Variants in TMEM178B observed in about 807,000 individuals in gnomAD.
The protein encoded by TMEM178B is transmembrane protein 178B.
Under a neutral mutation model 31.0 loss-of-function variants are expected in TMEM178B, and 5 were observed. The observed-to-expected ratio is 0.16, with a 90% CI of 0.08 to 0.34. The LOEUF is 0.34. TMEM178B is among the 10% of genes least tolerant of loss of function. The pLI is 1.00. For synonymous variants in TMEM178B, 164 were observed against 164.0 expected (o/e 1.00, Z 0.00); for missense variants, 275 against 400.3 (o/e 0.69, Z 2.67).
intron 1 of TMEM178B, among the ~76,000 whole-genome samples, chr7:141,195,197 A>G (rs1190482769): frequency 6.6e-6 from 1 of 152,112 alleles, no homozygotes; most frequent in African/African-American, 2.4e-5. Flanking sequence ...GCTGGCTTGA[A>G]TTTCTCCCCA....
At chr7:141,259,533 T>C (rs1307837852) in intron 2 of TMEM178B, among the ~76,000 whole-genome samples, 1 of 152,174 alleles carries the variant, frequency 6.6e-6, no homozygotes, top group Admixed American at 6.5e-5. Flanking sequence ...AAACTGGAAA[T>C]TTTAGATAAT....
chr7:141,074,530 C>A lies in TMEM178B; in HGVS notation c.220C>A (p.Arg74Ser). ...CCGGGCGAGCCGCTCGCGCCTGGAC[C>A]GCTGGGAGGGCAAACTCCTCCGGGC... The part of the protein sequence containing the change: ...PLRASRSRLD[R>S]WEGKLLRARN... Residue 74 changes from arginine (R) to serine (S), a missense_variant, in exon 1 of 4, where the codon CGC becomes AGC. Physicochemically the swap from Arg to Ser is moderately radical, Grantham distance 110. Coordinates refer to ENST00000565468, the MANE Select transcript of TMEM178B (RefSeq NM_001195278.2). This position sits in a 1 kb window ranked among gnomAD's most constrained non-coding sequence, Gnocchi z 5.1. 51 of 1,536,008 alleles carry A rather than the reference C, an allele frequency of 3.3e-5. No homozygotes were observed. The highest frequency in any genetic ancestry group is 4.4e-5 in the Non-Finnish European group (51 of 1,146,808).
At chr7:141,342,896 A>C (rs930016716) in intron 2 of TMEM178B, among the ~76,000 whole-genome samples, 1 of 152,186 alleles carries the variant, frequency 6.6e-6, no homozygotes, top group Non-Finnish European at 1.5e-5. Flanking sequence ...ATAGAATGCC[A>C]ACTTCCTGTC....
At chr7:141,230,669 C>A (rs536403498) in intron 2 of TMEM178B, among the ~76,000 whole-genome samples, 38 of 152,290 alleles carry the variant, frequency 2.5e-4, no homozygotes, top group South Asian at 1.2e-3. Context: ...CAGAGCCTTG[C>A]TCTGTCACTC....
intron 2 of TMEM178B, among the ~76,000 whole-genome samples, chr7:141,282,116 C>T (rs564054406): frequency 6.6e-6 from 1 of 151,998 alleles, no homozygotes; most frequent in Admixed American, 6.6e-5. Context: ...AAAAACTGGT[C>T]GAAAGAAGAG....
intron 1 of TMEM178B, among the ~76,000 whole-genome samples, chr7:141,107,215 A>G (rs1257242028): frequency 1.3e-5 from 2 of 152,222 alleles, no homozygotes; most frequent in Non-Finnish European, 2.9e-5. Context: ...AGTGAGGGAT[A>G]GAGCAGTAGA....
intron 2 of TMEM178B, among the ~76,000 whole-genome samples, chr7:141,283,466 C>T (rs1798397596): frequency 1.3e-5 from 2 of 152,210 alleles, no homozygotes. Context: ...TGTCCTGCAG[C>T]AAGGGGATGG....
chr7:141,276,033 C>G (rs931951617), intron 2 of TMEM178B, among the ~76,000 whole-genome samples: 1 of 152,188 alleles, frequency 6.6e-6, no homozygotes, highest in East Asian at 1.9e-4. Flanking sequence ...GATGATTCTT[C>G]CTCTGTTTTG....
At chr7:141,232,036 C>T (rs1367322882) in intron 2 of TMEM178B, among the ~76,000 whole-genome samples, 2 of 152,184 alleles carry the variant, frequency 1.3e-5, no homozygotes, top group East Asian at 1.9e-4. Context: ...GTTCAGCTCC[C>T]ACTTATAAGT....
chr7:141,082,252 G>A (rs1586757834), intron 1 of TMEM178B, among the ~76,000 whole-genome samples: 1 of 152,338 alleles, frequency 6.6e-6, no homozygotes, highest in Non-Finnish European at 1.5e-5. Flanking sequence ...GGGAAAAGAG[G>A]TGGTAAAACT....
chr7:141,446,451 G>A (rs1801759879), intron 3 of TMEM178B, among the ~76,000 whole-genome samples: 1 of 152,224 alleles, frequency 6.6e-6, no homozygotes, highest in African/African-American at 2.4e-5. Context: ...CTAAGACAGA[G>A]CAGCCCCTGG....
intron 2 of TMEM178B, among the ~76,000 whole-genome samples, chr7:141,432,554 T>A (rs1801455770): frequency 6.6e-6 from 1 of 152,224 alleles, no homozygotes; most frequent in African/African-American, 2.4e-5. Flanking sequence ...TAAGTTAGAA[T>A]TGAGTATATA....
chr7:141,123,722 C>T (rs1198495956), intron 1 of TMEM178B, among the ~76,000 whole-genome samples: 1 of 152,142 alleles, frequency 6.6e-6, no homozygotes, highest in African/African-American at 2.4e-5. Flanking sequence ...ATACTGCTTA[C>T]TTCTCCTTTC....
intron 2 of TMEM178B, among the ~76,000 whole-genome samples, chr7:141,335,446 A>T (rs1197166433): frequency 6.6e-6 from 1 of 152,124 alleles, no homozygotes; most frequent in Non-Finnish European, 1.5e-5. Context: ...AACAGATGGG[A>T]AGTGAAGCTG....
intron 2 of TMEM178B, among the ~76,000 whole-genome samples, chr7:141,253,642 C>A (rs1797872565): frequency 6.6e-6 from 1 of 150,750 alleles, no homozygotes; most frequent in Non-Finnish European, 1.5e-5. Flanking sequence ...CCTCCGCCTC[C>A]CAGGTTCAGG....
chr7:141,304,555 A>G (rs371251838), intron 2 of TMEM178B, among the ~76,000 whole-genome samples: 1 of 152,130 alleles, frequency 6.6e-6, no homozygotes, highest in Non-Finnish European at 1.5e-5. Flanking sequence ...CACCATGGCC[A>G]CTGCTGTGAC....
chr7:141,283,746 G>T (rs565874237), intron 2 of TMEM178B, among the ~76,000 whole-genome samples: 1 of 152,202 alleles, frequency 6.6e-6, no homozygotes, highest in Admixed American at 6.5e-5. Flanking sequence ...ATGACAGTTG[G>T]TTAATATACA....
intron 2 of TMEM178B, among the ~76,000 whole-genome samples, chr7:141,268,254 T>C (rs1798125096): frequency 1.3e-5 from 2 of 152,166 alleles, no homozygotes; most frequent in Non-Finnish European, 2.9e-5. Flanking sequence ...TCTGTTAAAA[T>C]TGAAGCAAGA....
intron 2 of TMEM178B, among the ~76,000 whole-genome samples, chr7:141,252,778 T>A (rs1797856187): frequency 6.6e-6 from 1 of 152,126 alleles, no homozygotes; most frequent in South Asian, 2.1e-4. Context: ...AGTCTAGATG[T>A]GTTGTTGTCC....
Sources: gnomAD v4.1 joint callset for allele counts (sites outside exome capture counted in the v4.1 genomes callset) on GRCh38, gnomAD v4.1.1 for gene constraint, Gnocchi (gnomAD v3.1) non-coding constraint, MANE v1.5 for transcripts, NCBI Gene and HGNC (gene_info 2026-07-23, HGNC 2026-07-21) for gene names.